Variants in SLFN13 observed in about 807,000 individuals in gnomAD.
The protein encoded by SLFN13 is schlafen-13.
A neutral mutation model predicts 50.6 loss-of-function variants in SLFN13; 43 were observed. The ratio of observed to expected loss-of-function variants is 0.85; its 90% CI spans 0.67 to 1.09. SLFN13 has a LOEUF of 1.09. Among genes scored for constraint, SLFN13 ranks in the 50% least tolerant of loss-of-function variants. The pLI is 0.00. For synonymous variants in SLFN13, 339 were observed against 386.5 expected (o/e 0.88, Z 1.44); for missense variants, 881 against 1,071.1 (o/e 0.82, Z 2.48).
chr17:35,438,936 A>G lies in SLFN13; in HGVS notation c.*1659T>C, dbSNP rs577814980. 4.6e-5 allele frequency: 7 copies of G among 152,146 alleles called. No homozygotes were observed. Among genetic ancestry groups the G allele is most frequent in the Non-Finnish European group, 8.8e-5 (6 of 67,998 alleles). The allele number at this position is 152,146 out of a possible 1,614,324, so 9.4% of individuals were successfully genotyped here. Reference sequence around the variant, plus strand: ...AGTGTTTTTAGTTTGATGAATGATCATACAGCTGTGTTCTCAGGCTGCAAT... The same window carrying G: ...AGTGTTTTTAGTTTGATGAATGATCGTACAGCTGTGTTCTCAGGCTGCAAT... On this transcript the variant is annotated 3_prime_UTR_variant, in exon 6 of 6. Coordinates refer to ENST00000285013, the MANE Select transcript of SLFN13 (RefSeq NM_144682.6).
intron 4 of SLFN13, among the ~76,000 whole-genome samples, chr17:35,443,176 A>G (rs1223610649): frequency 2.0e-5 from 3 of 152,154 alleles, no homozygotes; most frequent in Non-Finnish European, 4.4e-5. Context: ...CGAGAAAAAA[A>G]CCTTGCTAAA....
intron 4 of SLFN13, 42 bp from the exon 5 acceptor site, chr17:35,442,328 T>C (rs780573707): frequency 5.3e-6 from 8 of 1,518,272 alleles, no homozygotes; most frequent in Middle Eastern, 1.8e-4. Flanking sequence ...ACTGTGTTTA[T>C]GTGATTTTGT....
At chr17:35,445,981 T>C in intron 2 of SLFN13, 1 of 259,150 alleles carries the variant, frequency 3.9e-6, no homozygotes, top group Non-Finnish European at 7.3e-6. Context: ...AGGAGTAGGT[T>C]CCATTTAGGC....
Position 35,435,365 on chromosome 17 carries a change from A to T in SLFN13, c.*5230T>A, listed in dbSNP as rs1836841015. On this transcript the variant is annotated 3_prime_UTR_variant, in exon 6 of 6. Transcript: ENST00000285013. The stretch of plus-strand genomic sequence containing the variant: ...CTGCAGCCTTCACCTCCTGGGCTCC[A>T]GTGATCCTCTCACCTCAGCCTCCCA... 6.6e-6 allele frequency: 1 copy of T among 152,098 alleles called. No individual in the cohort carries two copies. The highest frequency in any genetic ancestry group is 1.5e-5 in the Non-Finnish European group (1 of 68,046). The allele number at this position is 152,098 out of a possible 1,614,324, so 9.4% of individuals were successfully genotyped here.
At chr17:35,444,545 G>C in intron 3 of SLFN13, 70 bp downstream of exon 3, 1 of 1,363,982 alleles carries the variant, frequency 7.3e-7, no homozygotes, top group South Asian at 1.4e-5. Flanking sequence ...CAAGCTTAGA[G>C]AATAAAGAAG....
At position 35,444,780 on chromosome 17, in the gene SLFN13, C is replaced by T. The variant is rs368732471; in HGVS notation, c.901G>A (p.Val301Met). The T allele has an allele frequency of 3.1e-6, 5 of 1,614,090 alleles. No homozygotes were observed. The highest frequency in any genetic ancestry group is 1.3e-5 in the African/African-American group (1 of 74,924). Reference sequence around the variant, plus strand: ...CCATACAACTCTTTCCCACAAAACACTTCTACGATTTTGGTGCTGTACTCT... The same window carrying T: ...CCATACAACTCTTTCCCACAAAACATTTCTACGATTTTGGTGCTGTACTCT... ...RVEYSTKIVEVFCGKELYGYL... is the reference protein window; with the variant it reads ...RVEYSTKIVEMFCGKELYGYL... Residue 301 changes from valine (V) to methionine (M), a missense_variant, in exon 3 of 6, where the codon GTG becomes ATG. Transcript: ENST00000285013.
chr17:35,444,410 T>C (rs1913082927), intron 3 of SLFN13, among the ~76,000 whole-genome samples: 1 of 152,248 alleles, frequency 6.6e-6, no homozygotes, highest in South Asian at 2.1e-4. Context: ...CCTTTGCTTC[T>C]TCTTTTGTGG....
In SLFN13 at chr17:35,445,549, C is replaced by G; in HGVS notation, c.132G>C (p.Ala44=). The change falls in exon 3 of 6, where the codon GCG becomes GCC. Residue 44 remains alanine (A), a synonymous_variant. Coordinates refer to ENST00000285013, the MANE Select transcript of SLFN13 (RefSeq NM_144682.6). Reference sequence around the variant, plus strand: ...AAGCACACGCGGCCCGTATAACTCTCGCCCTCTCTTGGTCTCTCTGAGTTT... The same window carrying G: ...AAGCACACGCGGCCCGTATAACTCTGGCCCTCTCTTGGTCTCTCTGAGTTT... The part of the protein sequence containing the change: ...LQKTQRDQER[A]RVIRAACALL... The G allele has an allele frequency of 6.2e-7, 1 of 1,614,110 alleles. No homozygotes were observed. Among genetic ancestry groups the G allele is most frequent in the Non-Finnish European group, 8.5e-7 (1 of 1,180,018 alleles).
At position 35,440,813 on chromosome 17, in the gene SLFN13, G is replaced by A. The variant is rs781600834; in HGVS notation, c.2476C>T (p.Leu826Phe). 23 of 1,613,986 alleles carry A rather than the reference G, an allele frequency of 1.4e-5. No homozygotes were observed. Among genetic ancestry groups the A allele is most frequent in the Non-Finnish European group, 1.8e-5 (21 of 1,180,028 alleles). The change falls in exon 6 of 6, where the codon CTC (leucine) becomes TTC (phenylalanine). Residue 826 changes from leucine (L) to phenylalanine (F), a missense_variant. By Grantham distance (22) the Leu-to-Phe change is conservative (BLOSUM62 0). Transcript: ENST00000285013. ...VTEVEQYQSK[L>F]LKAMRKKMVV... ...ATTTTCTTCCTCATTGCTTTCAAGAGCTTAGACTGATACTGCTCCACTTCT... is the reference window on the plus strand; with the variant it reads ...ATTTTCTTCCTCATTGCTTTCAAGAACTTAGACTGATACTGCTCCACTTCT...
In SLFN13 at chr17:35,444,326, C is replaced by A. The variant is rs115221755; in HGVS notation, c.1066+289G>T. 7.5e-3 allele frequency among the ~76,000 whole-genome samples: 1,140 copies of A among 152,334 alleles called. 14 individuals are homozygous for A. Among genetic ancestry groups the A allele is most frequent in the African/African-American group, 0.026 (1,087 of 41,564 alleles). ...ATTTTATGCTAATCTGAGGTACAAG[C>A]TAATCACTATTATGAGGCTCCAACA... On this transcript the variant is annotated intron_variant, in intron 3 of 5. Transcript: ENST00000285013.
intron 4 of SLFN13, among the ~76,000 whole-genome samples, chr17:35,442,731 C>T (rs1912988980): frequency 6.6e-6 from 1 of 152,212 alleles, no homozygotes; most frequent in African/African-American, 2.4e-5. Flanking sequence ...GCATGAGCCA[C>T]CACGCCTTGC....
At chr17:35,448,058 T>C (rs1193520759) in intron 1 of SLFN13, among the ~76,000 whole-genome samples, 2 of 150,232 alleles carry the variant, frequency 1.3e-5, no homozygotes, top group Non-Finnish European at 1.5e-5. Context: ...TTATTATTAT[T>C]ATTATTCATA....
intron 3 of SLFN13, 85 bp from the exon 4 acceptor site, chr17:35,444,005 C>A: frequency 2.2e-6 from 3 of 1,376,306 alleles, no homozygotes; most frequent in Non-Finnish European, 2.0e-6. Flanking sequence ...GTCTAAATTT[C>A]ATCTAACATG....
Position 35,445,630 on chromosome 17 carries a change from C to T in SLFN13, c.51G>A (p.Leu17=), listed in dbSNP as rs114299024. 1.1e-3 allele frequency: 1,741 copies of T among 1,614,056 alleles called. 20 individuals carry two copies. The African/African-American group carries it at 0.02, about 18-fold the overall frequency. Residue 17 remains leucine, a synonymous_variant, in exon 3 of 6, where the codon CTG becomes CTA. Coordinates refer to ENST00000285013, the MANE Select transcript of SLFN13 (RefSeq NM_144682.6). ...SLGVYPSYPD[L]VIDVGEVTLG... The stretch of plus-strand genomic sequence containing the variant: ...GAGTCACTTCTCCGACATCGATGAC[C>T]AGGTCTGGGTAAGATGGATACACAC...
Position 35,444,897 on chromosome 17 carries a change from C to CT in SLFN13, c.783dup (p.Glu262ArgfsTer4), listed in dbSNP as rs752936881. The CT allele has an allele frequency of 4.2e-5, 68 of 1,614,100 alleles. No homozygotes were observed. The highest frequency in any genetic ancestry group is 5.6e-5 in the Non-Finnish European group (66 of 1,180,052). ...TTCAAAGAGTCAGGGTCAACCTGTT[C>CT]TTTGGCACATCCCAGGACTTTCCTA... On this transcript the variant is annotated frameshift_variant, in exon 3 of 6. Coordinates refer to ENST00000285013, the MANE Select transcript of SLFN13 (RefSeq NM_144682.6). LOFTEE classifies it high-confidence loss of function.
At chr17:35,444,550 A>C in intron 3 of SLFN13, 65 bp downstream of exon 3, 1 of 1,400,452 alleles carries the variant, frequency 7.1e-7, no homozygotes, top group South Asian at 1.3e-5. Context: ...TTAGAGAATA[A>C]AGAAGGAAGT....
In SLFN13 at chr17:35,435,838, T is replaced by C. The variant is rs1912631896; in HGVS notation, c.*4757A>G. On this transcript the variant is annotated 3_prime_UTR_variant, in exon 6 of 6. Transcript: ENST00000285013. Reference sequence around the variant, plus strand: ...GTGCGGTGATGCAGTCACAGCTCAGTGCAGACTCAAACTTCTGGCCTGAAG... The same window carrying C: ...GTGCGGTGATGCAGTCACAGCTCAGCGCAGACTCAAACTTCTGGCCTGAAG... The C allele has an allele frequency of 6.6e-6, 1 of 152,014 alleles. No homozygotes were observed. Among genetic ancestry groups the C allele is most frequent in the Non-Finnish European group, 1.5e-5 (1 of 68,000 alleles). The allele number at this position is 152,014 out of a possible 1,614,324, so 9.4% of individuals were successfully genotyped here.
Position 35,444,639 on chromosome 17 carries a change from C to T in SLFN13, c.1042G>A (p.Glu348Lys). ...CCTGGATCTGCGTCCATCATTTTCT[C>T]TACCCATTCCTCAGTTGTCAAGGGG... ...IRPLTTEEWV[E>K]KMMDADPEFP... The change falls in exon 3 of 6, where the codon GAG becomes AAG. Residue 348 changes from glutamate (E) to lysine (K), a missense_variant. Around this residue, in one of 5 missense-constraint regions of SLFN13, gnomAD observed 497 missense variants for 518.3 expected, o/e 0.96. Transcript: ENST00000285013. 1.2e-6 allele frequency: 2 copies of T among 1,614,116 alleles called. No homozygotes were observed. Among genetic ancestry groups the T allele is most frequent in the Non-Finnish European group, 1.7e-6 (2 of 1,179,958 alleles).
In SLFN13 at chr17:35,441,127, TGTG is replaced by T; in HGVS notation, c.2159_2161del (p.Ala720_Gln721delinsGlu). 4 of 1,614,098 alleles carry T rather than the reference TGTG, an allele frequency of 2.5e-6. No individual in the cohort carries two copies. Among genetic ancestry groups the T allele is most frequent in the Non-Finnish European group, 3.4e-6 (4 of 1,180,004 alleles). ...TCTGGTGAGCTCTTCTCTTGGATAC[TGTG>T]CTGAGAGAGGGGGAAGGCCACTGTG... On this transcript the variant is annotated inframe_deletion, in exon 6 of 6. Coordinates refer to ENST00000285013, the MANE Select transcript of SLFN13 (RefSeq NM_144682.6).
Sources: allele counts gnomAD v4.1 joint callset (sites outside exome capture counted in the v4.1 genomes callset), GRCh38; gene constraint gnomAD v4.1.1; regional missense constraint gnomAD v4.1.1; transcripts MANE v1.5; gene names NCBI Gene and HGNC (gene_info 2026-07-23, HGNC 2026-07-21).